The following ACSS2 variants were observed in gnomAD, a reference collection of about 807,000 sequenced individuals.
The protein encoded by ACSS2 is acyl-CoA synthetase short chain family member 2, also known as acetyl-coenzyme A synthetase, cytoplasmic.
Under a neutral mutation model 90.6 loss-of-function variants are expected in ACSS2, and 58 were observed. The ratio of observed to expected loss-of-function variants is 0.64; its 90% CI spans 0.52 to 0.80. The LOEUF (loss-of-function observed/expected upper bound fraction) is 0.80. Ranked by LOEUF, ACSS2 falls within the 30% of genes least tolerant of loss-of-function variation. The pLI is 0.00. For synonymous variants in ACSS2, 300 were observed against 330.9 expected (o/e 0.91, Z 1.01); for missense variants, 759 against 912.0 (o/e 0.83, Z 2.16).
At chr20:34,913,951 TC>T in intron 5 of ACSS2, 126 bp downstream of exon 5, 1 of 1,358,460 alleles carries the variant, frequency 7.4e-7, no homozygotes, top group Non-Finnish European at 1.0e-6. Flanking sequence ...TCTCTCCTGG[TC>T]CCACCTCAGC....
At chr20:34,877,591 G>A (rs1263277855) in intron 1 of ACSS2, among the ~76,000 whole-genome samples, 2 of 152,030 alleles carry the variant, frequency 1.3e-5, no homozygotes, top group African/African-American at 2.4e-5. Flanking sequence ...GCCGAGGCGG[G>A]CGGATCACTT....
rs547214754 is a variant in ACSS2, at chr20:34,914,237, C to A, written c.719+66C>A. 1.9e-6 allele frequency: 3 copies of A among 1,605,832 alleles called. No individual in the cohort carries two copies. In the African/African-American group the frequency reaches 4.0e-5, roughly 21 times the overall value. Reference sequence around the variant, plus strand: ...CCCCAGTGCCAGGTTCCCTTTGTCCCCTCTACCCTAAATGGACATGGGTGG... The same window carrying A: ...CCCCAGTGCCAGGTTCCCTTTGTCCACTCTACCCTAAATGGACATGGGTGG... On this transcript the variant is annotated intron_variant, in intron 6 of 17. Coordinates refer to ENST00000360596, the MANE Select transcript of ACSS2 (RefSeq NM_018677.4).
At chr20:34,926,073 C>A in intron 15 of ACSS2, 32 bp from the exon 16 acceptor site, 2 of 1,611,292 alleles carry the variant, frequency 1.2e-6, no homozygotes, top group East Asian at 2.2e-5. Flanking sequence ...AGCCTGGGAT[C>A]TCTCTCATGG....
At chr20:34,926,403 C>T in intron 16 of ACSS2, 122 bp downstream of exon 16, 5 of 1,013,120 alleles carry the variant, frequency 4.9e-6, no homozygotes, top group Non-Finnish European at 7.1e-6. Context: ...TCCAGGGGGC[C>T]CCATGGGCTG....
intron 2 of ACSS2, among the ~76,000 whole-genome samples, chr20:34,901,711 C>T (rs911534784): frequency 2.6e-5 from 4 of 152,142 alleles, no homozygotes; most frequent in African/African-American, 9.7e-5. Context: ...TCTCAAACTT[C>T]AATAACCATG....
rs766075605 is a variant in ACSS2 at position 34,914,455 on chromosome 20, A to G, written c.834+18A>G. The G allele has an allele frequency of 3.2e-6, 5 of 1,576,628 alleles. No individual in the cohort carries two copies. Among genetic ancestry groups the G allele is most frequent in the South Asian group, 1.2e-5 (1 of 85,912 alleles). On this transcript the variant is annotated intron_variant, in intron 7 of 17. Transcript: ENST00000360596. ...ATGTGCAGGTGAGTCTGGCACTGCT[A>G]TGCCTTTCTCCAGGCTCAAATTCCT...
intron 2 of ACSS2, among the ~76,000 whole-genome samples, chr20:34,904,985 G>A (rs963229358): frequency 1.4e-5 from 2 of 144,438 alleles, no homozygotes; most frequent in African/African-American, 2.6e-5. Flanking sequence ...TAGCATCAAC[G>A]TGGCTCACTG....
upstream of ACSS2, chr20:34,875,097 GA>G: frequency 1.9e-6 from 1 of 534,780 alleles, no homozygotes; most frequent in Middle Eastern, 3.2e-4. Context: ...GCCAGTCTGT[GA>G]AATGATGGTG....
chr20:34,882,387 T>C (rs1340659508), intron 1 of ACSS2, among the ~76,000 whole-genome samples: 1 of 151,808 alleles, frequency 6.6e-6, no homozygotes, highest in East Asian at 1.9e-4. Context: ...ACTTTGGGAG[T>C]CCGAGGCGGG....
chr20:34,922,819 A>G (rs1256337899), intron 13 of ACSS2: 2 of 157,830 alleles, frequency 1.3e-5, no homozygotes, highest in Admixed American at 6.1e-5. Context: ...CAGGGCTTAC[A>G]TCCAGGCCTT....
intron 1 of ACSS2, among the ~76,000 whole-genome samples, chr20:34,877,438 TTTTA>T (rs1378260495): frequency 6.6e-6 from 1 of 152,170 alleles, no homozygotes. Context: ...TGTCAAGTTG[TTTTA>T]TTTATTTTTT....
intron 2 of ACSS2, among the ~76,000 whole-genome samples, chr20:34,895,280 G>A (rs183074564): frequency 7.2e-5 from 11 of 151,868 alleles, no homozygotes; most frequent in Admixed American, 2.0e-4. Flanking sequence ...CAAAACATTG[G>A]CACTGCAAAT....
chr20:34,923,307 C>G lies in ACSS2; in HGVS notation c.1549-16C>G. On this transcript the variant is annotated splice_polypyrimidine_tract_variant and intron_variant, in intron 13 of 17. Coordinates refer to ENST00000360596, the MANE Select transcript of ACSS2 (RefSeq NM_018677.4). ...AGCATAGCAAATGTGATCACTGTCC[C>G]TTCCTCACTCCCCAGGTGTTCAAGC... 1 of 1,585,640 alleles carries G rather than the reference C, an allele frequency of 6.3e-7. No homozygotes were observed. The highest frequency in any genetic ancestry group is 8.7e-7 in the Non-Finnish European group (1 of 1,154,154).
At chr20:34,922,667 G>A (rs1212772732) in intron 13 of ACSS2, among the ~76,000 whole-genome samples, 1 of 152,204 alleles carries the variant, frequency 6.6e-6, no homozygotes, top group Admixed American at 6.5e-5. Flanking sequence ...TAATCCACAT[G>A]AAGGGGTTAG....
At chr20:34,892,554 G>A (rs1365456464) in intron 2 of ACSS2, among the ~76,000 whole-genome samples, 1 of 152,030 alleles carries the variant, frequency 6.6e-6, no homozygotes, top group Non-Finnish European at 1.5e-5. Flanking sequence ...TTACTAGTTG[G>A]GCAAGTTACC....
At chr20:34,897,295 A>G (rs2080487573) in intron 2 of ACSS2, among the ~76,000 whole-genome samples, 1 of 152,158 alleles carries the variant, frequency 6.6e-6, no homozygotes, top group African/African-American at 2.4e-5. Flanking sequence ...TACAACTTTC[A>G]ATTTTAGAAA....
In ACSS2 at chr20:34,882,835, C is replaced by G; in HGVS notation, c.220C>G (p.Pro74Ala). The G allele has an allele frequency of 6.2e-7, 1 of 1,613,092 alleles. No individual in the cohort carries two copies. The highest frequency in any genetic ancestry group is 8.5e-7 in the Non-Finnish European group (1 of 1,179,746). Residue 74 changes from proline to alanine, a missense_variant, in exon 2 of 18, where the codon CCA becomes GCA. Physicochemically the swap from Pro to Ala is conservative, Grantham distance 27 (BLOSUM62 -1). Coordinates refer to ENST00000360596, the MANE Select transcript of ACSS2 (RefSeq NM_018677.4). ...DIAKEFYWKT[P>A]CPGPFLRYNF... ...TGCCAAGGAATTTTACTGGAAGACT[C>G]CATGCCCTGGCCCATTCCTTCGGTA... is the stretch of plus-strand genomic sequence containing the variant.
At chr20:34,898,879 G>A (rs939008310) in intron 2 of ACSS2, among the ~76,000 whole-genome samples, 1 of 151,762 alleles carries the variant, frequency 6.6e-6, no homozygotes, top group African/African-American at 2.4e-5. Context: ...GGCTCGGGCC[G>A]CACAGGAGCC....
intron 2 of ACSS2, among the ~76,000 whole-genome samples, chr20:34,889,970 G>A (rs1036456765): frequency 2.8e-4 from 42 of 152,210 alleles, no homozygotes; most frequent in African/African-American, 9.9e-4. Context: ...AAATGGGAAT[G>A]TGAAGCCAGA....
Sources: allele counts gnomAD v4.1 joint callset (sites outside exome capture counted in the v4.1 genomes callset), GRCh38; gene constraint gnomAD v4.1.1; transcripts MANE v1.5; gene names NCBI Gene and HGNC (gene_info 2026-07-23, HGNC 2026-07-21).